The following DOCK8 variants were observed in gnomAD, a reference collection of about 807,000 sequenced individuals.
DOCK8 encodes the protein dedicator of cytokinesis protein 8.
Under a neutral mutation model 245.6 loss-of-function variants are expected in DOCK8, and 141 were observed. The ratio of observed to expected loss-of-function variants is 0.57; its 90% CI spans 0.50 to 0.66. The LOEUF is 0.66. Ranked by LOEUF, DOCK8 falls within the 30% of genes least tolerant of loss-of-function variation. The pLI, the probability that DOCK8 is intolerant of heterozygous loss-of-function variation, is 0.00. For missense variants in DOCK8, 2,965 were observed against 2,603.4 expected, an observed-to-expected ratio of 1.14 and a Z score of -3.02; for synonymous variants, 1,168 against 970.2, an observed-to-expected ratio of 1.20 and a Z score of -3.79.
intron 9 of DOCK8, among the ~76,000 whole-genome samples, chr9:330,295 A>G (rs1379818292): frequency 2.0e-5 from 3 of 152,222 alleles, no homozygotes; most frequent in Non-Finnish European, 4.4e-5. Flanking sequence ...AAAAATTGGT[A>G]TGCCGTGCCC....
chr9:237,720 A>C (rs1225745098), intron 1 of DOCK8, among the ~76,000 whole-genome samples: 1 of 152,198 alleles, frequency 6.6e-6, no homozygotes, highest in Non-Finnish European at 1.5e-5. Context: ...AAGTGCAACT[A>C]AAGACTTCCT....
Position 302,847 on chromosome 9 carries a change from G to C in DOCK8, c.405-1734G>C, listed in dbSNP as rs1418956812. 2.6e-5 allele frequency among the ~76,000 whole-genome samples: 4 copies of C among 152,124 alleles called. No homozygotes were observed. The South Asian group carries it at 8.3e-4, about 32-fold the overall frequency. ...CCTGTTATTGAAAAGTCATAAAATAGACTGGGCATGTGGCTTATGCTTGTA... is the reference window on the plus strand; with the variant it reads ...CCTGTTATTGAAAAGTCATAAAATACACTGGGCATGTGGCTTATGCTTGTA... On this transcript the variant is annotated intron_variant, in intron 4 of 47. Transcript: ENST00000432829.
At position 282,012 on chromosome 9, in the gene DOCK8, G is replaced by A. The variant is rs75730475; in HGVS notation, c.157-4449G>A. Among the ~76,000 whole-genome samples the A allele has an allele frequency of 1.0e-3, 152 of 152,316 alleles. 1 individual carries two copies. In the East Asian group the frequency reaches 0.023, roughly 23 times the overall value. On this transcript the variant is annotated intron_variant, in intron 2 of 47. Coordinates refer to ENST00000432829, the MANE Select transcript of DOCK8 (RefSeq NM_203447.4). ...CAGTACTGGAATAGCTTCAGACCTCGAGAGTTTATGACTTTATCATCAACT... is the reference window on the plus strand; with the variant it reads ...CAGTACTGGAATAGCTTCAGACCTCAAGAGTTTATGACTTTATCATCAACT...
intron 37 of DOCK8, 60 bp from the exon 38 acceptor site, chr9:433,815 C>T: frequency 7.2e-7 from 1 of 1,394,376 alleles, no homozygotes; most frequent in Non-Finnish European, 1.0e-6. Flanking sequence ...TCAATGTAAT[C>T]CTAACTCTTC....
At position 271,654 on chromosome 9, in the gene DOCK8, GTT is replaced by G; in HGVS notation, c.83_84del (p.Phe28TyrfsTer29). 1.3e-6 allele frequency: 2 copies of G among 1,551,404 alleles called. No individual in the cohort carries two copies. The highest frequency in any genetic ancestry group is 1.7e-6 in the Non-Finnish European group (2 of 1,146,646). On this transcript the variant is annotated frameshift_variant, in exon 2 of 48. Coordinates refer to ENST00000432829, the MANE Select transcript of DOCK8 (RefSeq NM_203447.4). LOFTEE classifies it high-confidence loss of function. ...ATTCTTCAGCGGAAATAAGGAAACA[GTT>G]TACTCTCCCACCAAACCTTGGCCAG... ...RYSSAEIRKQ[F>X]TLPPNLGQYH...
intron 14 of DOCK8, among the ~76,000 whole-genome samples, chr9:345,970 C>A (rs1364835513): frequency 6.6e-6 from 1 of 151,950 alleles, no homozygotes; most frequent in Non-Finnish European, 1.5e-5. Flanking sequence ...ACTTCTAGAG[C>A]CAGAAGTGCT....
intron 11 of DOCK8, 94 bp from the exon 12 acceptor site, chr9:336,488 T>C (rs896806418): frequency 6.5e-7 from 1 of 1,536,962 alleles, no homozygotes; most frequent in South Asian, 1.1e-5. Context: ...GTGTTCCTGA[T>C]CAGTGACTTT....
upstream of DOCK8, chr9:214,814 G>T: frequency 6.3e-7 from 1 of 1,594,772 alleles, no homozygotes; most frequent in Non-Finnish European, 8.5e-7. Context: ...ACCCTCCCCC[G>T]GGGTGATTTC....
chr9:290,016 A>T (rs1050350070), intron 4 of DOCK8, among the ~76,000 whole-genome samples: 1 of 152,136 alleles, frequency 6.6e-6, no homozygotes, highest in African/African-American at 2.4e-5. Flanking sequence ...TACTGTCTCC[A>T]TAATTCCACC....
intron 1 of DOCK8, among the ~76,000 whole-genome samples, chr9:227,832 C>T (rs2047023106): frequency 6.6e-6 from 1 of 151,920 alleles, no homozygotes; most frequent in South Asian, 2.1e-4. Context: ...GAGTCACTGT[C>T]AATCCATACA....
chr9:363,611 A>G (rs907079317), intron 14 of DOCK8, among the ~76,000 whole-genome samples: 2 of 152,214 alleles, frequency 1.3e-5, no homozygotes, highest in African/African-American at 4.8e-5. Flanking sequence ...CATCTCCTTA[A>G]AAGAAATTCC....
chr9:433,785 C>A, intron 37 of DOCK8, 90 bp from the exon 38 acceptor site: 1 of 1,093,790 alleles, frequency 9.1e-7, no homozygotes, highest in Non-Finnish European at 1.4e-6. Flanking sequence ...CCAACCCTTC[C>A]CATGGCTTCC....
chr9:399,335 G>A, intron 26 of DOCK8, 76 bp downstream of exon 26: 1 of 1,102,892 alleles, frequency 9.1e-7, no homozygotes, highest in Admixed American at 1.9e-5. Context: ...TCGTTGCCAT[G>A]GCACGCTGTC....
intron 1 of DOCK8, among the ~76,000 whole-genome samples, chr9:248,571 T>TTCTC (rs988352684): frequency 2.0e-5 from 2 of 99,950 alleles, no homozygotes; most frequent in Non-Finnish European, 4.1e-5. Context: ...CTTTCTTTCT[T>TTCTC]TCTCTCTCTC....
chr9:353,429 A>G (rs911498104), intron 14 of DOCK8, among the ~76,000 whole-genome samples: 1 of 152,226 alleles, frequency 6.6e-6, no homozygotes, highest in Non-Finnish European at 1.5e-5. Context: ...TGATGTATTC[A>G]TTGGCTGTTT....
intron 24 of DOCK8, among the ~76,000 whole-genome samples, chr9:396,218 A>G (rs1001064269): frequency 6.6e-6 from 1 of 152,188 alleles, no homozygotes; most frequent in South Asian, 2.1e-4. Flanking sequence ...AATATATAAT[A>G]TAGCTAAAAT....
chr9:248,662 A>G (rs1309617262), intron 1 of DOCK8, among the ~76,000 whole-genome samples: 1 of 151,630 alleles, frequency 6.6e-6, no homozygotes, highest in Admixed American at 6.6e-5. Context: ...TCACGACCTA[A>G]TGAAAATACT....
chr9:227,176 G>A (rs1406559199), intron 1 of DOCK8, among the ~76,000 whole-genome samples: 1 of 152,178 alleles, frequency 6.6e-6, no homozygotes, highest in Non-Finnish European at 1.5e-5. Flanking sequence ...GTAATTGGAA[G>A]AAGAAGCAAT....
At chr9:331,427 C>T (rs770799440) in intron 9 of DOCK8, among the ~76,000 whole-genome samples, 1 of 152,190 alleles carries the variant, frequency 6.6e-6, no homozygotes, top group Non-Finnish European at 1.5e-5. Flanking sequence ...CCTCATGCTG[C>T]TTCCTTTGAA....
Sources: allele counts gnomAD v4.1 joint callset (sites outside exome capture counted in the v4.1 genomes callset), GRCh38; gene constraint gnomAD v4.1.1; transcripts MANE v1.5; gene names NCBI Gene and HGNC (gene_info 2026-07-23, HGNC 2026-07-21).